Variants in PRKCB observed in about 807,000 individuals in gnomAD.
The protein encoded by PRKCB is protein kinase C beta, also known as protein kinase C beta type.
In PRKCB, 13 loss-of-function variants were observed where a neutral mutation model predicts 81.5. The ratio of observed to expected loss-of-function variants is 0.16; its 90% CI spans 0.10 to 0.25. The LOEUF (loss-of-function observed/expected upper bound fraction) is 0.25, where lower values mean the gene tolerates loss of function less well. Ranked by LOEUF, PRKCB falls within the 10% of genes least tolerant of loss-of-function variation. The pLI, the probability that PRKCB is intolerant of heterozygous loss-of-function variation, is 1.00. For synonymous variants in PRKCB, 335 were observed against 321.4 expected (o/e 1.04, Z -0.45); for missense variants, 509 against 875.7 (o/e 0.58, Z 5.29).
intron 2 of PRKCB, among the ~76,000 whole-genome samples, chr16:23,949,309 G>A (rs7204906): frequency 0.024 from 3,581 of 152,298 alleles, 143 homozygotes; most frequent in African/African-American, 0.082. Flanking sequence ...GAAGAGAAAG[G>A]AGACCTTGCC....
At chr16:24,121,024 A>G (rs1966793735) in intron 8 of PRKCB, among the ~76,000 whole-genome samples, 1 of 152,072 alleles carries the variant, frequency 6.6e-6, no homozygotes, top group Non-Finnish European at 1.5e-5. Flanking sequence ...CCTGCTTCAA[A>G]CCTTTCAAAG....
At chr16:23,980,786 G>C (rs529614198) in intron 2 of PRKCB, among the ~76,000 whole-genome samples, 1 of 149,690 alleles carries the variant, frequency 6.7e-6, no homozygotes, top group African/African-American at 2.6e-5. Context: ...GAGGGGAATC[G>C]ACTCCAAACA....
At chr16:23,971,618 C>T (rs1033138318) in intron 2 of PRKCB, among the ~76,000 whole-genome samples, 2 of 152,212 alleles carry the variant, frequency 1.3e-5, no homozygotes, top group African/African-American at 4.8e-5. Context: ...CTGTCCATCT[C>T]TGGCCCCGCT....
chr16:23,845,217 C>T lies in PRKCB; in HGVS notation c.205+7811C>T, dbSNP rs150513452. 9.8e-4 allele frequency among the ~76,000 whole-genome samples: 149 copies of T among 152,136 alleles called. 1 individual carries two copies. The highest frequency in any genetic ancestry group is 3.4e-3 in the African/African-American group (140 of 41,492). ...TGTTGTCATGGAGCTTATGATGTAG[C>T]GGGGGGAGATAAGACATTCTACAGA... On this transcript the variant is annotated intron_variant, in intron 2 of 16. Coordinates refer to ENST00000643927, the MANE Select transcript of PRKCB (RefSeq NM_002738.7).
At chr16:24,143,775 A>G (rs1482780402) in intron 9 of PRKCB, among the ~76,000 whole-genome samples, 1 of 152,202 alleles carries the variant, frequency 6.6e-6, no homozygotes, top group East Asian at 1.9e-4. Flanking sequence ...TAAGAGCCCT[A>G]AAGGTCTCTT....
At chr16:24,172,466 G>A (rs1967458129) in intron 11 of PRKCB, 105 bp downstream of exon 11, 2 of 843,640 alleles carry the variant, frequency 2.4e-6, no homozygotes, top group South Asian at 1.6e-5. Context: ...AACACCTCGG[G>A]CATCTTTTTG....
At chr16:23,926,959 T>G (rs765288759) in intron 2 of PRKCB, among the ~76,000 whole-genome samples, 2 of 152,168 alleles carry the variant, frequency 1.3e-5, no homozygotes, top group Non-Finnish European at 2.9e-5. Context: ...TTAAAGTATT[T>G]ATTGAATACT....
rs577127345 is a variant in PRKCB at position 23,928,011 on chromosome 16, T to C, written c.206-60497T>C. On this transcript the variant is annotated intron_variant, in intron 2 of 16. Coordinates refer to ENST00000643927, the MANE Select transcript of PRKCB (RefSeq NM_002738.7). The stretch of plus-strand genomic sequence containing the variant: ...GCTGGGGTTTTGCCAAGAGCTCATG[T>C]AGATTCAGGCGAGAAGAGAGGAGGG... Among the ~76,000 whole-genome samples, 3 of 152,026 alleles carry C rather than the reference T, an allele frequency of 2.0e-5. 1 individual carries two copies. The highest frequency in any genetic ancestry group is 4.4e-5 in the Non-Finnish European group (3 of 67,962).
chr16:24,026,663 A>G (rs930645952), intron 3 of PRKCB, among the ~76,000 whole-genome samples: 3 of 152,234 alleles, frequency 2.0e-5, no homozygotes, highest in African/African-American at 4.8e-5. Flanking sequence ...CAGAGAAACC[A>G]GAAGGGACCA....
chr16:24,178,976 G>A (rs73548574), intron 12 of PRKCB, among the ~76,000 whole-genome samples: 4,673 of 152,236 alleles, frequency 0.031, 254 homozygotes, highest in African/African-American at 0.1. Context: ...CGTTATGAGG[G>A]CACATTTTAT....
intron 3 of PRKCB, among the ~76,000 whole-genome samples, chr16:24,019,145 A>G (rs1461472277): frequency 6.7e-6 from 1 of 149,734 alleles, no homozygotes; most frequent in Non-Finnish European, 1.5e-5. Context: ...GCCTCCATAG[A>G]TGAACACTTG....
At chr16:24,197,704 G>A (rs1241996772) in intron 16 of PRKCB, among the ~76,000 whole-genome samples, 1 of 152,156 alleles carries the variant, frequency 6.6e-6, no homozygotes, top group Non-Finnish European at 1.5e-5. Flanking sequence ...GGTGATAGGA[G>A]CTTGGGCAGG....
Position 24,217,622 on chromosome 16 carries a change from A to C in PRKCB, c.*2806A>C, listed in dbSNP as rs972099175. 9 of 985,342 alleles carry C rather than the reference A, an allele frequency of 9.1e-6. No homozygotes were observed. Among genetic ancestry groups the C allele is most frequent in the Non-Finnish European group, 8.4e-6 (7 of 829,968 alleles). 61.0% of individuals were successfully genotyped at this position (985,342 alleles called of 1,614,324 possible). A position where few individuals can be genotyped will look rare whatever the true frequency, so the allele number is the denominator to read the frequency against. On this transcript the variant is annotated 3_prime_UTR_variant, in exon 17 of 17. Transcript: ENST00000643927. ...GTCCATAAAAGCAAGTCCTGTCTGGACCATGTGGTTATCTGAAGCATTAGC... is the reference window on the plus strand; with the variant it reads ...GTCCATAAAAGCAAGTCCTGTCTGGCCCATGTGGTTATCTGAAGCATTAGC...
chr16:24,146,697 G>A (rs1331703784), intron 9 of PRKCB, among the ~76,000 whole-genome samples: 2 of 152,124 alleles, frequency 1.3e-5, no homozygotes, highest in African/African-American at 2.4e-5. Context: ...TGTTTTATTT[G>A]CTGTCATCAG....
chr16:24,002,422 G>A (rs967629711), intron 3 of PRKCB, among the ~76,000 whole-genome samples: 7 of 151,772 alleles, frequency 4.6e-5, no homozygotes, highest in Admixed American at 3.3e-4. Flanking sequence ...TCGGCTCACC[G>A]CAACCCTCCC....
intron 9 of PRKCB, among the ~76,000 whole-genome samples, chr16:24,145,155 G>A (rs1457811406): frequency 6.6e-6 from 1 of 152,158 alleles, no homozygotes; most frequent in Non-Finnish European, 1.5e-5. Flanking sequence ...ATGCAGGCAG[G>A]AAGAGCAAAA....
At position 24,217,554 on chromosome 16, in the gene PRKCB, A is replaced by T; in HGVS notation, c.*2738A>T. 3.0e-6 allele frequency: 3 copies of T among 985,478 alleles called. No homozygotes were observed. Among genetic ancestry groups the T allele is most frequent in the Non-Finnish European group, 3.6e-6 (3 of 829,958 alleles). The allele number at this position is 985,478 out of a possible 1,614,324, so 61.0% of individuals were successfully genotyped here. ...TTATTCTCTCCCAACTTCTACGGTA[A>T]AATCCAGGAGTATTTTCTCTGGGGA... On this transcript the variant is annotated 3_prime_UTR_variant, in exon 17 of 17. Transcript: ENST00000643927.
intron 2 of PRKCB, among the ~76,000 whole-genome samples, chr16:23,912,660 G>A (rs1963679818): frequency 6.6e-6 from 1 of 150,466 alleles, no homozygotes; most frequent in South Asian, 2.1e-4. Flanking sequence ...TTGCAGACGT[G>A]TGCCACCTCA....
At chr16:24,162,794 T>C (rs1422165328) in intron 10 of PRKCB, among the ~76,000 whole-genome samples, 1 of 152,098 alleles carries the variant, frequency 6.6e-6, no homozygotes, top group Admixed American at 6.5e-5. Context: ...ATGCGTGCAA[T>C]GTACCTTATT....
Sources: gnomAD v4.1 joint callset for allele counts (sites outside exome capture counted in the v4.1 genomes callset) on GRCh38, gnomAD v4.1.1 for gene constraint, MANE v1.5 for transcripts, NCBI Gene and HGNC (gene_info 2026-07-23, HGNC 2026-07-21) for gene names.